The following PTK2 variants were observed in gnomAD, a reference collection of about 807,000 sequenced individuals.
The protein encoded by PTK2 is focal adhesion kinase 1.
In PTK2, 45 loss-of-function variants were observed where a neutral mutation model predicts 150.1. The observed-to-expected ratio is 0.30, with a 90% CI of 0.24 to 0.38. The LOEUF (loss-of-function observed/expected upper bound fraction) is 0.38. Among genes scored for constraint, PTK2 ranks in the 10% least tolerant of loss-of-function variants. The pLI, the probability that PTK2 is intolerant of heterozygous loss-of-function variation, is 1.00. For synonymous variants in PTK2, 432 were observed against 449.2 expected, an observed-to-expected ratio of 0.96 and a Z score of 0.48; for missense variants, 919 against 1,307.3, an observed-to-expected ratio of 0.70 and a Z score of 4.58.
chr8:140,913,019 G>C (rs550418472), intron 2 of PTK2, among the ~76,000 whole-genome samples: 8 of 152,088 alleles, frequency 5.3e-5, no homozygotes, highest in Non-Finnish European at 1.2e-4. Flanking sequence ...ACTTAACACT[G>C]AACATGTTCT....
intron 30 of PTK2, among the ~76,000 whole-genome samples, chr8:140,667,513 C>A (rs2093047768): frequency 6.7e-6 from 1 of 149,858 alleles, no homozygotes; most frequent in Admixed American, 6.7e-5. Flanking sequence ...GTTGGCCAAG[C>A]TGGTCTTGAA....
intron 7 of PTK2, among the ~76,000 whole-genome samples, chr8:140,844,830 T>C (rs1452208276): frequency 6.6e-6 from 1 of 152,202 alleles, no homozygotes; most frequent in East Asian, 1.9e-4. Context: ...ACATTTATCT[T>C]TCCTTTTTCA....
At chr8:140,911,057 T>G (rs1269871013) in intron 2 of PTK2, among the ~76,000 whole-genome samples, 1 of 151,686 alleles carries the variant, frequency 6.6e-6, no homozygotes, top group Non-Finnish European at 1.5e-5. Flanking sequence ...TTTTTTTTTT[T>G]TTTTTGTATT....
chr8:140,961,832 T>G (rs1020295933), intron 1 of PTK2, among the ~76,000 whole-genome samples: 124 of 152,316 alleles, frequency 8.1e-4, no homozygotes, highest in African/African-American at 2.8e-3. Flanking sequence ...GTTTCTTTTA[T>G]AGGTTTAATT....
chr8:140,854,931 T>A (rs531091053), intron 5 of PTK2, among the ~76,000 whole-genome samples: 1 of 152,170 alleles, frequency 6.6e-6, no homozygotes, highest in Admixed American at 6.5e-5. Flanking sequence ...GTAGAAATAA[T>A]TTAAACATAA....
intron 21 of PTK2, among the ~76,000 whole-genome samples, chr8:140,736,266 C>G (rs568534611): frequency 7.9e-5 from 12 of 152,304 alleles, no homozygotes; most frequent in Non-Finnish European, 1.6e-4. Context: ...TGCATTAATG[C>G]AGAAACAGAA....
chr8:140,777,912 A>C (rs2100079356), intron 14 of PTK2, among the ~76,000 whole-genome samples: 1 of 152,120 alleles, frequency 6.6e-6, no homozygotes, highest in African/African-American at 2.4e-5. Flanking sequence ...CCTTATACCC[A>C]ATCACTTTTT....
intron 10 of PTK2, among the ~76,000 whole-genome samples, chr8:140,817,245 G>A (rs1417383913): frequency 6.6e-6 from 1 of 152,078 alleles, no homozygotes; most frequent in African/African-American, 2.4e-5. Context: ...GTTAAGTATG[G>A]GCAGGGGGTG....
chr8:140,700,904 T>G, exon 26 of PTK2: 5 of 1,614,048 alleles, frequency 3.1e-6, no homozygotes, highest in Non-Finnish European at 4.2e-6. Context: ...AAATCTTTCC[T>G]CTTTTTCCAG....
chr8:140,697,110 G>A (rs1426797353), intron 26 of PTK2, among the ~76,000 whole-genome samples: 4 of 139,006 alleles, frequency 2.9e-5, no homozygotes, highest in South Asian at 4.9e-4. Context: ...CTTTACCCTG[G>A]GTGACAGTGT....
intron 26 of PTK2, among the ~76,000 whole-genome samples, chr8:140,690,257 T>C (rs2100022344): frequency 1.3e-5 from 2 of 152,056 alleles, no homozygotes; most frequent in Admixed American, 1.3e-4. Flanking sequence ...AGGCCAACAG[T>C]TTCTATTTTT....
chr8:140,790,034 A>G (rs1166422433), intron 13 of PTK2, among the ~76,000 whole-genome samples: 1 of 151,860 alleles, frequency 6.6e-6, no homozygotes, highest in Non-Finnish European at 1.5e-5. Flanking sequence ...ATCTCAATGT[A>G]TCTTGCTACT....
intron 14 of PTK2, among the ~76,000 whole-genome samples, chr8:140,766,804 T>C (rs2100072549): frequency 6.6e-6 from 1 of 152,220 alleles, no homozygotes; most frequent in African/African-American, 2.4e-5. Flanking sequence ...TGGGGAAAAC[T>C]GCTTGAGCTT....
At chr8:140,753,880 GAATT>G (rs895008962) in intron 16 of PTK2, among the ~76,000 whole-genome samples, 6 of 152,122 alleles carry the variant, frequency 3.9e-5, no homozygotes, top group African/African-American at 1.2e-4. Context: ...AAGATCTGCA[GAATT>G]AATTAATGCT....
At chr8:140,759,867 A>ACACACT (rs530712585) in intron 16 of PTK2, among the ~76,000 whole-genome samples, 9 of 151,668 alleles carry the variant, frequency 5.9e-5, no homozygotes, top group South Asian at 4.2e-4. Context: ...ACACACACAC[A>ACACACT]AACAATAGTT....
intron 30 of PTK2, among the ~76,000 whole-genome samples, chr8:140,668,016 TA>T (rs1267853083): frequency 6.6e-6 from 1 of 152,220 alleles, no homozygotes; most frequent in Non-Finnish European, 1.5e-5. Context: ...TGGTAATTAT[TA>T]AAAGAGTGTA....
intron 1 of PTK2, among the ~76,000 whole-genome samples, chr8:140,943,130 T>C (rs2100176423): frequency 6.6e-6 from 1 of 152,136 alleles, no homozygotes. Context: ...CAGTCTTGGG[T>C]ATTTCTTTAT....
intron 1 of PTK2, among the ~76,000 whole-genome samples, chr8:140,958,551 A>ATCT (rs2100182011): frequency 6.6e-6 from 1 of 152,232 alleles, no homozygotes; most frequent in Non-Finnish European, 1.5e-5. Context: ...GTTATCCATC[A>ATCT]TAATCCTCCA....
intron 1 of PTK2, among the ~76,000 whole-genome samples, chr8:140,986,400 A>G (rs2100193257): frequency 6.6e-6 from 1 of 152,258 alleles, no homozygotes; most frequent in Non-Finnish European, 1.5e-5. Flanking sequence ...GAAAATATGG[A>G]CAGAATATTT....
Sources: gnomAD v4.1 joint callset for allele counts (sites outside exome capture counted in the v4.1 genomes callset) on GRCh38, gnomAD v4.1.1 for gene constraint, MANE v1.5 for transcripts, NCBI Gene and HGNC (gene_info 2026-07-23, HGNC 2026-07-21) for gene names.